The following HRG variants were observed in gnomAD, a reference collection of about 807,000 sequenced individuals.
HRG encodes histidine-rich glycoprotein.
Under a neutral mutation model 29.5 loss-of-function variants are expected in HRG, and 26 were observed. The ratio of observed to expected loss-of-function variants is 0.88; its 90% CI spans 0.65 to 1.22. The LOEUF (loss-of-function observed/expected upper bound fraction) is 1.22, where lower values mean the gene tolerates loss of function less well. HRG is among the 50% of genes most tolerant of loss of function. The pLI is 0.00. For missense variants in HRG, 671 were observed against 654.5 expected (o/e 1.03, Z -0.28); for synonymous variants, 243 against 240.4 (o/e 1.01, Z -0.10).
Position 186,668,980 on chromosome 3 carries a change from G to A in HRG, c.229G>A (p.Asp77Asn), listed in dbSNP as rs747499895. The change falls in exon 2 of 7, where the codon GAC becomes AAC. Residue 77 changes from aspartate to asparagine, a missense_variant. Coordinates refer to ENST00000232003, the MANE Select transcript of HRG (RefSeq NM_000412.5). ...CTTAGTCTTAGATGTGCAAGAATCG[G>A]ACTGTTCGGTCCTATCCAGGAAATA... ...YYLVLDVQES[D>N]CSVLSRKYWN... is the part of the protein sequence containing the mutation. The A allele has an allele frequency of 6.2e-7, 1 of 1,612,718 alleles. No individual in the cohort carries two copies. Among genetic ancestry groups the A allele is most frequent in the South Asian group, 1.1e-5 (1 of 91,050 alleles).
In HRG at chr3:186,677,986, C is replaced by A; in HGVS notation, c.*103C>A. The A allele has an allele frequency of 8.6e-7, 1 of 1,158,796 alleles. No homozygotes were observed. Among genetic ancestry groups the A allele is most frequent in the Non-Finnish European group, 1.3e-6 (1 of 795,608 alleles). 71.8% of individuals were successfully genotyped at this position (1,158,796 alleles called of 1,614,324 possible). ...ATTACAGTTCTTTTCAACCTACTTT[C>A]ATACTGAAGATGCAGCAAAATGTGA... On this transcript the variant is annotated 3_prime_UTR_variant, in exon 7 of 7. Coordinates refer to ENST00000232003, the MANE Select transcript of HRG (RefSeq NM_000412.5).
At chr3:186,674,347 G>A (rs1718900587) in intron 5 of HRG, 1 of 154,662 alleles carries the variant, frequency 6.5e-6, no homozygotes, top group African/African-American at 2.4e-5. Context: ...CAACCTGTGA[G>A]TACATAGTAT....
In HRG at chr3:186,677,091, C is replaced by T. The variant is rs1386840487; in HGVS notation, c.786C>T (p.Pro262=). 6 of 1,613,956 alleles carry T rather than the reference C, an allele frequency of 3.7e-6. No individual in the cohort carries two copies. Among genetic ancestry groups the T allele is most frequent in the Non-Finnish European group, 5.1e-6 (6 of 1,179,948 alleles). Reference sequence around the variant, plus strand: ...GTGTACCGCCTCATTTGGGACATCCCTTCCACTGGGGTGGGCATGAGCGTT... The same window carrying T: ...GTGTACCGCCTCATTTGGGACATCCTTTCCACTGGGGTGGGCATGAGCGTT... ...INGVPPHLGH[P]FHWGGHERSS... Residue 262 remains proline, a synonymous_variant, in exon 7 of 7, where the codon CCC becomes CCT. Transcript: ENST00000232003.
At chr3:186,674,071 G>A (rs1297232239) in intron 5 of HRG, 2 of 152,126 alleles carry the variant, frequency 1.3e-5, no homozygotes, top group Non-Finnish European at 2.9e-5. Flanking sequence ...TTTTTCTGAG[G>A]TTTAACAACA....
chr3:186,670,028 G>A lies in HRG; in HGVS notation c.391G>A (p.Val131Ile). The A allele has an allele frequency of 1.4e-6, 2 of 1,481,386 alleles. No homozygotes were observed. Among genetic ancestry groups the A allele is most frequent in the Admixed American group, 3.3e-5 (2 of 59,842 alleles). 91.8% of individuals were successfully genotyped at this position (1,481,386 alleles called of 1,614,324 possible). Residue 131 changes from valine to isoleucine, a missense_variant and splice_region_variant, in exon 3 of 7, where the codon GTC becomes ATC. Physicochemically the swap from Val to Ile is conservative, Grantham distance 29 (BLOSUM62 3). Coordinates refer to ENST00000232003, the MANE Select transcript of HRG (RefSeq NM_000412.5). ...VIDFNCTTSS[V>I]SSALANTKDS... The stretch of plus-strand genomic sequence containing the variant: ...TGACTTTAACTGCACCACAAGTTCT[G>A]GTATGGTAATCTGTTAAATTGCTAA...
chr3:186,673,506 A>T (rs1381604978), intron 5 of HRG: 1 of 163,532 alleles, frequency 6.1e-6, no homozygotes, highest in African/African-American at 2.4e-5. Context: ...CAGAGAACAT[A>T]AGCGAACCAT....
Position 186,677,097 on chromosome 3 carries a change from CT to C in HRG, c.793del (p.Trp265GlyfsTer174). The C allele has an allele frequency of 6.2e-7, 1 of 1,613,990 alleles. No individual in the cohort carries two copies. ...CGCCTCATTTGGGACATCCCTTCCACTGGGGTGGGCATGAGCGTTCTTCTAC... is the reference window on the plus strand; with the variant it reads ...CGCCTCATTTGGGACATCCCTTCCACGGGGTGGGCATGAGCGTTCTTCTAC... ...VPPHLGHPFH[W>X]GGHERSSTTK... On this transcript the variant is annotated frameshift_variant, in exon 7 of 7. Transcript: ENST00000232003. LOFTEE classifies it low-confidence loss of function (END_TRUNC).
At chr3:186,668,789 T>A in intron 1 of HRG, 146 bp from the exon 2 acceptor site, 1 of 639,384 alleles carries the variant, frequency 1.6e-6, no homozygotes, top group Admixed American at 2.6e-5. Flanking sequence ...AATCAATAGA[T>A]CAAATGACGC....
intron 6 of HRG, among the ~76,000 whole-genome samples, chr3:186,675,776 AAACTT>A (rs1440131773): frequency 6.6e-6 from 1 of 152,130 alleles, no homozygotes; most frequent in African/African-American, 2.4e-5. Flanking sequence ...ATCAGAAACA[AAACTT>A]AAAATAATCC....
chr3:186,676,852 G>A (rs1380003301), intron 6 of HRG, among the ~76,000 whole-genome samples, 195 bp from the exon 7 acceptor site: 1 of 151,996 alleles, frequency 6.6e-6, no homozygotes, highest in Non-Finnish European at 1.5e-5. Context: ...CAATGATGGT[G>A]GTAAATGATA....
chr3:186,669,735 C>G, intron 2 of HRG: 1 of 612,552 alleles, frequency 1.6e-6, no homozygotes, highest in Admixed American at 2.6e-5. Context: ...GCTGGTTCTC[C>G]TGAGGATTTT....
chr3:186,669,165 T>G, intron 2 of HRG, 114 bp downstream of exon 2: 1 of 778,812 alleles, frequency 1.3e-6, no homozygotes, highest in Non-Finnish European at 2.4e-6. Context: ...AGCTTTTGCC[T>G]TGAGATTCAT....
rs1035696349 is a variant in HRG at position 186,666,152 on chromosome 3, A to G, written c.121A>G (p.Arg41Gly). 13 of 1,614,106 alleles carry G rather than the reference A, an allele frequency of 8.1e-6. No individual in the cohort carries two copies. In the African/African-American group the frequency reaches 1.5e-4, roughly 18 times the overall value. ...GAAAGCTCTAGACCTGATCAATAAAAGGCGACGGGATGGCTACCTTTTCCA... is the reference window on the plus strand; with the variant it reads ...GAAAGCTCTAGACCTGATCAATAAAGGGCGACGGGATGGCTACCTTTTCCA... ...AEKALDLINK[R>G]RRDGYLFQLL... The change falls in exon 1 of 7, where the codon AGG (arginine) becomes GGG (glycine). Residue 41 changes from arginine (R) to glycine (G), a missense_variant. Transcript: ENST00000232003.
chr3:186,672,770 G>A lies in HRG; in HGVS notation c.559-17G>A, dbSNP rs1032113028. The A allele has an allele frequency of 1.9e-6, 3 of 1,547,852 alleles. No homozygotes were observed. Among genetic ancestry groups the A allele is most frequent in the East Asian group, 2.2e-5 (1 of 44,540 alleles). ...CTTTGTCTGTTCTTGAAACTATTTT[G>A]ATCCCATCTGTTCTAGAGAGGAGGG... On this transcript the variant is annotated splice_polypyrimidine_tract_variant and intron_variant, in intron 4 of 6. Transcript: ENST00000232003.
rs769260553 is a variant in HRG at position 186,666,230 on chromosome 3, T to C, written c.183+16T>C. ...GGACAGAGTGGTGAGGAATTGCCAA[T>C]GGCAGAGCTGAGTTGGGAGATTACT... On this transcript the variant is annotated intron_variant, in intron 1 of 6. Transcript: ENST00000232003. 3.1e-6 allele frequency: 5 copies of C among 1,613,188 alleles called. No homozygotes were observed. Among genetic ancestry groups the C allele is most frequent in the Non-Finnish European group, 3.4e-6 (4 of 1,179,650 alleles).
chr3:186,676,945 T>C, intron 6 of HRG, 102 bp from the exon 7 acceptor site: 1 of 1,305,858 alleles, frequency 7.7e-7, no homozygotes, highest in Non-Finnish European at 1.1e-6. Context: ...AATTGATTTG[T>C]GGAATCTATG....
At position 186,672,831 on chromosome 3, in the gene HRG, G is replaced by A. The variant is rs749811893; in HGVS notation, c.603G>A (p.Arg201=). Residue 201 remains arginine (R), a synonymous_variant, in exon 5 of 7, where the codon CGG becomes CGA. Coordinates refer to ENST00000232003, the MANE Select transcript of HRG (RefSeq NM_000412.5). The part of the protein sequence containing the change: ...GTGYFVDFSV[R]NCPRHHFPRH... ...GTTACTTCGTGGACTTCTCTGTGCG[G>A]AACTGCCCCAGACACCATTTCCCCA... is the stretch of plus-strand genomic sequence containing the variant. The A allele has an allele frequency of 6.2e-7, 1 of 1,612,822 alleles. No individual in the cohort carries two copies. The highest frequency in any genetic ancestry group is 8.5e-7 in the Non-Finnish European group (1 of 1,178,854).
At chr3:186,673,138 T>C (rs946086583) in intron 5 of HRG, 12 of 503,648 alleles carry the variant, frequency 2.4e-5, no homozygotes, top group African/African-American at 2.1e-4. Context: ...AGTTTCGCTC[T>C]TGTTGCCCAG....
intron 1 of HRG, chr3:186,668,605 A>G: frequency 3.0e-6 from 1 of 332,968 alleles, no homozygotes; most frequent in Non-Finnish European, 5.8e-6. Context: ...ACAAGGACAG[A>G]TTGGAGGCCC....
Sources: allele counts gnomAD v4.1 joint callset (sites outside exome capture counted in the v4.1 genomes callset), GRCh38; gene constraint gnomAD v4.1.1; transcripts MANE v1.5; gene names NCBI Gene and HGNC (gene_info 2026-07-23, HGNC 2026-07-21).